SMCHD1: variants seen among roughly 807,000 people sequenced by gnomAD.
The protein encoded by SMCHD1 is structural maintenance of chromosomes flexible hinge domain containing 1.
A neutral mutation model predicts 254.7 loss-of-function variants in SMCHD1; 78 were observed. The observed-to-expected ratio is 0.31, with a 90% CI of 0.26 to 0.37. The LOEUF (loss-of-function observed/expected upper bound fraction) is 0.37, where lower values mean the gene tolerates loss of function less well. Among genes scored for constraint, SMCHD1 ranks in the 10% least tolerant of loss-of-function variants. The pLI is 1.00. For missense variants in SMCHD1, 1,840 were observed against 2,408.1 expected (o/e 0.76, Z 4.94); for synonymous variants, 766 against 794.9 (o/e 0.96, Z 0.61).
rs2075539934 is a variant in SMCHD1 at position 2,749,927 on chromosome 18, AT to A, written c.3928-115del. ...TTTTTAAAATTTAGATTTTAGAAGT[AT>A]GCAAATACTGCTTTTAAAATAGGAA... On this transcript the variant is annotated intron_variant, in intron 30 of 47. Coordinates refer to ENST00000320876, the MANE Select transcript of SMCHD1 (RefSeq NM_015295.3). The A allele has an allele frequency of 1.3e-5, 11 of 865,774 alleles. No homozygotes were observed. The South Asian group carries it at 1.9e-4, about 15-fold the overall frequency. 53.6% of individuals were successfully genotyped at this position (865,774 alleles called of 1,614,324 possible). A position where few individuals can be genotyped will look rare whatever the true frequency, so the allele number is the denominator to read the frequency against.
chr18:2,741,909 A>G (rs1020337604), intron 28 of SMCHD1, among the ~76,000 whole-genome samples: 14 of 152,104 alleles, frequency 9.2e-5, no homozygotes, highest in African/African-American at 3.4e-4. Flanking sequence ...CTCCAGAAAA[A>G]CCAGCAAAGC....
At chr18:2,782,744 CAAAAAAAAAAAAA>C (rs779083565) in intron 44 of SMCHD1, among the ~76,000 whole-genome samples, 23 of 44,980 alleles carry the variant, frequency 5.1e-4, no homozygotes, top group South Asian at 1.0e-3. Context: ...GACCACAACT[CAAAAAAAAAAAAA>C]AAAAAAAAAA....
intron 33 of SMCHD1, 68 bp from the exon 34 acceptor site, chr18:2,752,420 C>T (rs2075592259): frequency 3.0e-6 from 3 of 999,592 alleles, no homozygotes; most frequent in South Asian, 1.3e-5. Flanking sequence ...ATAAGCTTTC[C>T]TCCTAAGTAT....
At chr18:2,781,950 CT>C (rs2076163595) in intron 44 of SMCHD1, among the ~76,000 whole-genome samples, 1 of 152,168 alleles carries the variant, frequency 6.6e-6, no homozygotes. Context: ...ATTTGAAGAA[CT>C]GATGGCTGAA....
In SMCHD1 at chr18:2,754,326, A is replaced by G. The variant is rs1433886438; in HGVS notation, c.4346+1774A>G. Among the ~76,000 whole-genome samples, 5 of 152,346 alleles carry G rather than the reference A, an allele frequency of 3.3e-5. 1 individual carries two copies. The East Asian group carries it at 9.6e-4, about 29-fold the overall frequency. Reference sequence around the variant, plus strand: ...TCACCAGGAGGACTCACAGGACTTAATATATAGCTGGGCTCATAGCTATGT... The same window carrying G: ...TCACCAGGAGGACTCACAGGACTTAGTATATAGCTGGGCTCATAGCTATGT... On this transcript the variant is annotated intron_variant, in intron 34 of 47. Coordinates refer to ENST00000320876, the MANE Select transcript of SMCHD1 (RefSeq NM_015295.3).
intron 20 of SMCHD1, 21 bp from the exon 21 acceptor site, chr18:2,724,878 A>G: frequency 6.7e-7 from 1 of 1,489,040 alleles, no homozygotes; most frequent in Non-Finnish European, 9.1e-7. Flanking sequence ...GGGGAGTTAA[A>G]AAATAATTTT....
chr18:2,776,176 G>A (rs895252491), intron 42 of SMCHD1, among the ~76,000 whole-genome samples: 5 of 151,848 alleles, frequency 3.3e-5, no homozygotes, highest in African/African-American at 7.3e-5. Context: ...TATATGTAAC[G>A]TATACACACA....
At chr18:2,704,973 A>G (rs897166344) in intron 13 of SMCHD1, among the ~76,000 whole-genome samples, 1 of 152,180 alleles carries the variant, frequency 6.6e-6, no homozygotes, top group Non-Finnish European at 1.5e-5. Flanking sequence ...TGACATCCCT[A>G]GAGCCAAGTG....
chr18:2,726,521 C>T lies in SMCHD1; in HGVS notation c.2770C>T (p.Pro924Ser). The change falls in exon 22 of 48, where the codon CCT becomes TCT. Residue 924 changes from proline (P) to serine (S), a missense_variant. This residue lies in a region of SMCHD1 where 881 missense variants were observed against 1,009.5 expected (regional missense o/e 0.87). Coordinates refer to ENST00000320876, the MANE Select transcript of SMCHD1 (RefSeq NM_015295.3). ...ACAGATTTTGAAAATTAGATTACTA[C>T]CTGGTAATATTATTTCAAGAAATAT... ...DSQILKIRLL[P>S]GHPRRLKVKP... 1.5e-6 allele frequency: 2 copies of T among 1,301,376 alleles called. No individual in the cohort carries two copies. The highest frequency in any genetic ancestry group is 1.1e-6 in the Non-Finnish European group (1 of 937,266). The allele number at this position is 1,301,376 out of a possible 1,614,324, so 80.6% of individuals were successfully genotyped here. A position where few individuals can be genotyped will look rare whatever the true frequency, so the allele number is the denominator to read the frequency against.
rs781105861 is a variant in SMCHD1 at position 2,772,244 on chromosome 18, T to C, written c.5053-6T>C. Reference sequence around the variant, plus strand: ...CTTGTAGTTAATTTTTCTTTATAAATTATAGGTGCCACACATTGAAGCACT... The same window carrying C: ...CTTGTAGTTAATTTTTCTTTATAAACTATAGGTGCCACACATTGAAGCACT... On this transcript the variant is annotated splice_polypyrimidine_tract_variant and splice_region_variant and intron_variant, in intron 40 of 47. Coordinates refer to ENST00000320876, the MANE Select transcript of SMCHD1 (RefSeq NM_015295.3). 2.6e-6 allele frequency: 4 copies of C among 1,564,532 alleles called. No individual in the cohort carries two copies. The South Asian group carries it at 4.8e-5, about 19-fold the overall frequency.
At chr18:2,736,764 A>G (rs483646) in intron 25 of SMCHD1, among the ~76,000 whole-genome samples, 150,269 of 152,346 alleles carry the variant, frequency 0.99, 74,145 homozygotes, top group East Asian at 1. Flanking sequence ...TGTTGGCAAG[A>G]TTTTGGAGAA....
intron 23 of SMCHD1, 98 bp from the exon 24 acceptor site, chr18:2,729,177 A>G: frequency 2.0e-6 from 2 of 997,842 alleles, no homozygotes; most frequent in Non-Finnish European, 1.3e-6. Context: ...CATTGCCAGA[A>G]ATAGTAGCTC....
At chr18:2,687,964 T>TC (rs1183213858) in intron 5 of SMCHD1, among the ~76,000 whole-genome samples, 1 of 152,212 alleles carries the variant, frequency 6.6e-6, no homozygotes, top group Non-Finnish European at 1.5e-5. Context: ...GGTGCACTGT[T>TC]CCCTCAGAGC....
chr18:2,706,824 A>G (rs1021616116), intron 15 of SMCHD1, among the ~76,000 whole-genome samples: 1 of 152,190 alleles, frequency 6.6e-6, no homozygotes, highest in African/African-American at 2.4e-5. Flanking sequence ...TGCTATAAAG[A>G]TACTACCTGA....
At chr18:2,744,970 A>G (rs2075423991) in intron 29 of SMCHD1, among the ~76,000 whole-genome samples, 1 of 152,106 alleles carries the variant, frequency 6.6e-6, no homozygotes, top group African/African-American at 2.4e-5. Flanking sequence ...CAGCCTCCCA[A>G]GTAGCTGGGA....
At chr18:2,786,319 C>G (rs1598446211) in intron 45 of SMCHD1, among the ~76,000 whole-genome samples, 2 of 145,030 alleles carry the variant, frequency 1.4e-5, no homozygotes, top group South Asian at 2.3e-4. Flanking sequence ...AAGTAAAATA[C>G]ACATAGAAAA....
At chr18:2,682,994 A>T (rs546018429) in intron 5 of SMCHD1, among the ~76,000 whole-genome samples, 4 of 152,188 alleles carry the variant, frequency 2.6e-5, no homozygotes, top group Non-Finnish European at 5.9e-5. Context: ...TTTGGTTTGC[A>T]TGGGTCATTT....
chr18:2,762,939 A>G (rs2075811403), intron 36 of SMCHD1, among the ~76,000 whole-genome samples: 1 of 152,208 alleles, frequency 6.6e-6, no homozygotes, highest in Non-Finnish European at 1.5e-5. Context: ...ATGACTGCTC[A>G]TAGTTAAGAA....
At chr18:2,749,621 A>G (rs1201613341) in intron 30 of SMCHD1, among the ~76,000 whole-genome samples, 1 of 152,202 alleles carries the variant, frequency 6.6e-6, no homozygotes, top group African/African-American at 2.4e-5. Context: ...GAGAAAAATG[A>G]AGAATGAAGA....
Sources: gnomAD v4.1 joint callset for allele counts (sites outside exome capture counted in the v4.1 genomes callset) on GRCh38, gnomAD v4.1.1 for gene constraint, gnomAD v4.1.1 regional missense constraint, MANE v1.5 for transcripts, NCBI Gene and HGNC (gene_info 2026-07-23, HGNC 2026-07-21) for gene names.